DPP10: variants seen among roughly 807,000 people sequenced by gnomAD.
DPP10 encodes the protein inactive dipeptidyl peptidase 10.
A neutral mutation model predicts 120.9 loss-of-function variants in DPP10; 33 were observed. The ratio of observed to expected loss-of-function variants is 0.27; its 90% CI spans 0.21 to 0.37. The LOEUF (loss-of-function observed/expected upper bound fraction) is 0.37, where lower values mean the gene tolerates loss of function less well. Ranked by LOEUF, DPP10 falls within the 10% of genes least tolerant of loss-of-function variation. DPP10 has a pLI of 1.00. For missense variants in DPP10, 816 were observed against 942.8 expected (o/e 0.87, Z 1.76); for synonymous variants, 337 against 326.1 (o/e 1.03, Z -0.36).
intron 1 of DPP10, among the ~76,000 whole-genome samples, chr2:114,451,056 A>G (rs1678245194): frequency 6.6e-6 from 1 of 152,086 alleles, no homozygotes; most frequent in Non-Finnish European, 1.5e-5. Context: ...AAATAGCATA[A>G]AATTACTTAT....
At chr2:114,732,188 T>A (rs1394620446) in intron 1 of DPP10, among the ~76,000 whole-genome samples, 1 of 152,164 alleles carries the variant, frequency 6.6e-6, no homozygotes, top group Non-Finnish European at 1.5e-5. Context: ...AGCTCCTAGG[T>A]GCCAGAGCCT....
chr2:115,382,769 C>G lies in DPP10; in HGVS notation c.271+38857C>G, dbSNP rs928969129. 3.3e-5 allele frequency among the ~76,000 whole-genome samples: 5 copies of G among 152,092 alleles called. 1 individual carries two copies. The highest frequency in any genetic ancestry group is 9.7e-5 in the African/African-American group (4 of 41,400). On this transcript the variant is annotated intron_variant, in intron 3 of 25. Transcript: ENST00000410059. ...TTGCCACTTTCCATTTACATTTGTT[C>G]CCACCATTCAATTATTCTTTTTAAA...
intron 1 of DPP10, among the ~76,000 whole-genome samples, chr2:114,810,297 C>A (rs758100140): frequency 9.2e-5 from 14 of 152,204 alleles, no homozygotes; most frequent in Non-Finnish European, 1.9e-4. Context: ...CCTACGTCAG[C>A]TCTTTCTGAA....
intron 1 of DPP10, among the ~76,000 whole-genome samples, chr2:114,951,289 A>G (rs896219314): frequency 6.6e-6 from 1 of 152,166 alleles, no homozygotes; most frequent in Non-Finnish European, 1.5e-5. Flanking sequence ...TTTTATATTT[A>G]TAATTTGCTC....
At chr2:115,378,036 G>T (rs908287290) in intron 3 of DPP10, among the ~76,000 whole-genome samples, 12 of 151,900 alleles carry the variant, frequency 7.9e-5, no homozygotes, top group Non-Finnish European at 1.0e-4. Flanking sequence ...GGCGATGCGG[G>T]CTGTTTTTTG....
At chr2:115,037,949 G>T (rs758815164) in intron 1 of DPP10, among the ~76,000 whole-genome samples, 2 of 152,082 alleles carry the variant, frequency 1.3e-5, no homozygotes, top group Non-Finnish European at 2.9e-5. Flanking sequence ...CACCTAAAAA[G>T]TTCTCCAGAA....
At chr2:114,465,307 A>G (rs1679263733) in intron 1 of DPP10, among the ~76,000 whole-genome samples, 1 of 152,174 alleles carries the variant, frequency 6.6e-6, no homozygotes, top group Admixed American at 6.5e-5. Context: ...GTTAGTGCTT[A>G]CTTGCTTTTC....
intron 1 of DPP10, among the ~76,000 whole-genome samples, chr2:114,863,602 G>A (rs563106245): frequency 1.3e-5 from 2 of 152,072 alleles, no homozygotes; most frequent in African/African-American, 2.4e-5. Context: ...CTGCAAACTC[G>A]TAGAGGCAGA....
chr2:115,184,725 G>T (rs1206715227), intron 1 of DPP10, among the ~76,000 whole-genome samples: 1 of 152,226 alleles, frequency 6.6e-6, no homozygotes, highest in Non-Finnish European at 1.5e-5. Context: ...ACAGGAGATA[G>T]ATATCCTAAT....
At chr2:115,575,636 G>C (rs1325350936) in intron 5 of DPP10, among the ~76,000 whole-genome samples, 1 of 152,160 alleles carries the variant, frequency 6.6e-6, no homozygotes, top group Non-Finnish European at 1.5e-5. Flanking sequence ...AATTATCCAT[G>C]TTGAAAGACT....
chr2:115,713,675 A>C (rs555106702), intron 7 of DPP10, among the ~76,000 whole-genome samples: 4 of 152,322 alleles, frequency 2.6e-5, no homozygotes, highest in African/African-American at 9.6e-5. Context: ...GGAGACTTGC[A>C]CTGCAACCTG....
At chr2:115,802,279 AT>A (rs1403504156) in intron 19 of DPP10, among the ~76,000 whole-genome samples, 1 of 152,028 alleles carries the variant, frequency 6.6e-6, no homozygotes, top group Non-Finnish European at 1.5e-5. Flanking sequence ...CAGTGGTGAT[AT>A]CCCCTTTGTC....
intron 3 of DPP10, among the ~76,000 whole-genome samples, chr2:115,456,946 T>C (rs1463749921): frequency 6.9e-6 from 1 of 145,308 alleles, no homozygotes; most frequent in East Asian, 2.0e-4. Context: ...TCTGCACACG[T>C]ACCCCAGAAC....
chr2:114,581,669 C>T (rs1011793296), intron 1 of DPP10, among the ~76,000 whole-genome samples: 1 of 152,012 alleles, frequency 6.6e-6, no homozygotes, highest in Non-Finnish European at 1.5e-5. Flanking sequence ...CATGTTAATT[C>T]CCATCTTCCT....
intron 1 of DPP10, among the ~76,000 whole-genome samples, chr2:114,901,775 G>T (rs2106634624): frequency 6.6e-6 from 1 of 152,296 alleles, no homozygotes; most frequent in African/African-American, 2.4e-5. Context: ...AAATTTTAAA[G>T]AAGTGGGATC....
At chr2:115,704,973 A>AT (rs2092042367) in intron 7 of DPP10, among the ~76,000 whole-genome samples, 1 of 151,888 alleles carries the variant, frequency 6.6e-6, no homozygotes, top group Non-Finnish European at 1.5e-5. Context: ...TATTTGTTTA[A>AT]TTTTTTATAT....
At chr2:115,790,621 T>G (rs1683863964) in intron 17 of DPP10, among the ~76,000 whole-genome samples, 1 of 152,200 alleles carries the variant, frequency 6.6e-6, no homozygotes, top group Non-Finnish European at 1.5e-5. Flanking sequence ...CATATAATTT[T>G]CATGTATTTC....
chr2:114,975,629 A>C (rs1699705533), intron 1 of DPP10, among the ~76,000 whole-genome samples: 1 of 152,114 alleles, frequency 6.6e-6, no homozygotes, highest in Non-Finnish European at 1.5e-5. Flanking sequence ...AAAATCAGTG[A>C]ACAATTGCTT....
chr2:115,093,225 G>A (rs1709427130), intron 1 of DPP10, among the ~76,000 whole-genome samples: 1 of 152,062 alleles, frequency 6.6e-6, no homozygotes, highest in Admixed American at 6.5e-5. Flanking sequence ...AAAGTTAAAA[G>A]ATATGTAATA....
Sources: allele counts gnomAD v4.1 joint callset (sites outside exome capture counted in the v4.1 genomes callset), GRCh38; gene constraint gnomAD v4.1.1; transcripts MANE v1.5; gene names NCBI Gene and HGNC (gene_info 2026-07-23, HGNC 2026-07-21).